Variants in GDA observed in about 807,000 individuals in gnomAD.
The protein encoded by GDA is guanine deaminase, also known as cytoplasmic PSD-95 interactor.
A neutral mutation model predicts 59.6 loss-of-function variants in GDA; 18 were observed. The observed-to-expected ratio is 0.30, with a 90% CI of 0.21 to 0.45. The LOEUF is 0.45. GDA is among the 20% of genes least tolerant of loss of function. GDA has a pLI of 1.00. For synonymous variants in GDA, 201 were observed against 201.1 expected, an observed-to-expected ratio of 1.00 and a Z score of 0.00; for missense variants, 427 against 552.3, an observed-to-expected ratio of 0.77 and a Z score of 2.27.
chr9:72,188,012 A>T (rs1488298065), intron 1 of GDA, among the ~76,000 whole-genome samples: 1 of 152,256 alleles, frequency 6.6e-6, no homozygotes, highest in Non-Finnish European at 1.5e-5. Context: ...TAAGCAGCAA[A>T]GCATTCAGGC....
At chr9:72,233,912 A>C (rs1838660785) in intron 10 of GDA, among the ~76,000 whole-genome samples, 1 of 152,196 alleles carries the variant, frequency 6.6e-6, no homozygotes, top group Admixed American at 6.5e-5. Context: ...ACTGCACTCC[A>C]GTCTGGGTGA....
Position 72,231,181 on chromosome 9 carries a change from G to T in GDA, c.988G>T (p.Asp330Tyr). ...KHEVKIGLGT[D>Y]VAGGYSYSML... Reference sequence around the variant, plus strand: ...TGAAGTCAAGATAGGGCTGGGTACAGGTTAGTAGTTCACCATTTGGAGCTA... The same window carrying T: ...TGAAGTCAAGATAGGGCTGGGTACATGTTAGTAGTTCACCATTTGGAGCTA... The change falls in exon 10 of 14, where the codon GAC (aspartate) becomes TAC (tyrosine). Residue 330 changes from aspartate (D) to tyrosine (Y), a missense_variant and splice_region_variant. Transcript: ENST00000358399. 2.0e-6 allele frequency: 3 copies of T among 1,525,292 alleles called. No homozygotes were observed. The highest frequency in any genetic ancestry group is 2.7e-6 in the Non-Finnish European group (3 of 1,099,208). 94.5% of individuals were successfully genotyped at this position (1,525,292 alleles called of 1,614,324 possible). A position where few individuals can be genotyped will look rare whatever the true frequency, so the allele number is the denominator to read the frequency against.
At chr9:72,238,923 A>G (rs1839309066) in intron 10 of GDA, among the ~76,000 whole-genome samples, 2 of 152,248 alleles carry the variant, frequency 1.3e-5, no homozygotes. Flanking sequence ...TGAGATTCAC[A>G]GGTCCTAAGT....
chr9:72,247,508 G>A (rs1840277204), intron 13 of GDA, 75 bp downstream of exon 13: 2 of 783,328 alleles, frequency 2.6e-6, no homozygotes, highest in Admixed American at 4.4e-5. Flanking sequence ...ATGGCTCTAT[G>A]TATTTATCCT....
At chr9:72,148,132 C>A (rs1489100899), upstream of GDA, among the ~76,000 whole-genome samples, 1 of 152,156 alleles carries the variant, frequency 6.6e-6, no homozygotes, top group East Asian at 1.9e-4. Flanking sequence ...TCACACACTG[C>A]AATGAAACCC....
intron 1 of GDA, among the ~76,000 whole-genome samples, chr9:72,135,276 CAT>C (rs1826181024): frequency 6.6e-6 from 1 of 151,928 alleles, no homozygotes; most frequent in South Asian, 2.1e-4. Context: ...AAAGTAATCA[CAT>C]GATCAAATAA....
intron 7 of GDA, among the ~76,000 whole-genome samples, chr9:72,225,259 C>T (rs534133897): frequency 3.3e-5 from 5 of 152,198 alleles, no homozygotes; most frequent in South Asian, 4.2e-4. Context: ...CCAGCCTGGG[C>T]GACAGAGCCA....
intron 1 of GDA, among the ~76,000 whole-genome samples, chr9:72,188,474 T>C (rs1055886136): frequency 7.9e-5 from 12 of 152,218 alleles, no homozygotes; most frequent in African/African-American, 2.9e-4. Flanking sequence ...CTTCAGAAGA[T>C]GCAAGTGGCA....
chr9:72,246,347 C>A (rs1460970835), intron 12 of GDA, among the ~76,000 whole-genome samples: 1 of 152,180 alleles, frequency 6.6e-6, no homozygotes, highest in Admixed American at 6.5e-5. Flanking sequence ...AGGGTTTCAC[C>A]ATGTTGGCCA....
At chr9:72,245,003 A>T in intron 11 of GDA, 145 bp from the exon 12 acceptor site, 1 of 713,788 alleles carries the variant, frequency 1.4e-6, no homozygotes, top group Non-Finnish European at 2.4e-6. Context: ...TGTTAGAATG[A>T]GAGTGATTTT....
Position 72,202,581 on chromosome 9 carries a change from A to C in GDA, c.223A>C (p.Met75Leu). The C allele has an allele frequency of 6.3e-7, 1 of 1,586,602 alleles. No individual in the cohort carries two copies. The highest frequency in any genetic ancestry group is 8.6e-7 in the Non-Finnish European group (1 of 1,164,172). Residue 75 changes from methionine (M) to leucine (L), a missense_variant, in exon 3 of 14, where the codon ATG becomes CTG. Transcript: ENST00000358399. ...CATCTTAATTTCCAGTGAGTTCTTC[A>C]TGCCTGGGCTGGTTGATACACACAT... is the stretch of plus-strand genomic sequence containing the variant. ...IRELSHHEFF[M>L]PGLVDTHIHA...
At chr9:72,237,613 T>A (rs1334901199) in intron 10 of GDA, among the ~76,000 whole-genome samples, 2 of 152,140 alleles carry the variant, frequency 1.3e-5, no homozygotes, top group African/African-American at 4.8e-5. Context: ...CAGCCCAGAC[T>A]TCTCTGAATT....
At chr9:72,149,144 G>A (rs2130687780), upstream of GDA, among the ~76,000 whole-genome samples, 1 of 152,332 alleles carries the variant, frequency 6.6e-6, no homozygotes. Flanking sequence ...CAGGACCTGA[G>A]TGCTACAGGT....
chr9:72,115,930 TAGTAAG>T (rs1825421870), intron 1 of GDA, among the ~76,000 whole-genome samples: 1 of 152,154 alleles, frequency 6.6e-6, no homozygotes, highest in Non-Finnish European at 1.5e-5. Flanking sequence ...TACAACATAA[TAGTAAG>T]AGACAATAAC....
At chr9:72,200,208 G>A (rs1347528375) in intron 2 of GDA, among the ~76,000 whole-genome samples, 1 of 152,008 alleles carries the variant, frequency 6.6e-6, no homozygotes, top group Admixed American at 6.6e-5. Context: ...GTGTTAGCCA[G>A]GATGGTCTCG....
intron 1 of GDA, among the ~76,000 whole-genome samples, chr9:72,190,818 TAA>T (rs10548640): frequency 0.046 from 6,935 of 151,518 alleles, 510 homozygotes; most frequent in African/African-American, 0.16. Context: ...ATAAGAAAAT[TAA>T]AAAAAAAAAT....
At chr9:72,142,166 G>A (rs1329420377) in intron 1 of GDA, among the ~76,000 whole-genome samples, 3 of 152,052 alleles carry the variant, frequency 2.0e-5, no homozygotes, top group South Asian at 4.1e-4. Flanking sequence ...AGTTCTGATT[G>A]GTAGTTATTT....
chr9:72,228,478 C>CCA (rs1240041950), intron 9 of GDA: 6 of 157,112 alleles, frequency 3.8e-5, no homozygotes, highest in African/African-American at 1.4e-4. Context: ...GAATGCCAGC[C>CCA]CACACAGGCA....
At position 72,237,837 on chromosome 9, in the gene GDA, C is replaced by T. The variant is rs116512189; in HGVS notation, c.989-3315C>T. On this transcript the variant is annotated intron_variant, in intron 10 of 13. Coordinates refer to ENST00000358399, the MANE Select transcript of GDA (RefSeq NM_004293.5). ...TCTTCCCCAGCACAATGCCCAACCT[C>T]ATGACTCCTTAGTATCTCCTTGAAC... Among the ~76,000 whole-genome samples, 1,432 of 152,232 alleles carry T rather than the reference C, an allele frequency of 9.4e-3. 21 individuals carry two copies. The highest frequency in any genetic ancestry group is 0.033 in the African/African-American group (1,375 of 41,514).
Sources: allele counts gnomAD v4.1 joint callset (sites outside exome capture counted in the v4.1 genomes callset), GRCh38; gene constraint gnomAD v4.1.1; transcripts MANE v1.5; gene names NCBI Gene and HGNC (gene_info 2026-07-23, HGNC 2026-07-21).